RASGRF2: variants seen among roughly 807,000 people sequenced by gnomAD.
RASGRF2 encodes the protein ras-specific guanine nucleotide-releasing factor 2.
A neutral mutation model predicts 151.0 loss-of-function variants in RASGRF2; 76 were observed. The ratio of observed to expected loss-of-function variants is 0.50; its 90% CI spans 0.42 to 0.61. The LOEUF (loss-of-function observed/expected upper bound fraction) is 0.61, where lower values mean the gene tolerates loss of function less well. Ranked by LOEUF, RASGRF2 falls within the 20% of genes least tolerant of loss-of-function variation. The pLI is 0.00. For missense variants in RASGRF2, 1,148 were observed against 1,564.6 expected, an observed-to-expected ratio of 0.73 and a Z score of 4.49; for synonymous variants, 504 against 566.5, an observed-to-expected ratio of 0.89 and a Z score of 1.57.
intron 18 of RASGRF2, among the ~76,000 whole-genome samples, chr5:81,194,255 C>T (rs564822787): frequency 4.6e-5 from 7 of 151,588 alleles, no homozygotes; most frequent in African/African-American, 1.5e-4. Context: ...ACTTGGGAGG[C>T]CGAGGTGGCG....
intron 1 of RASGRF2, among the ~76,000 whole-genome samples, chr5:80,976,147 C>G (rs1247993036): frequency 6.6e-6 from 1 of 152,080 alleles, no homozygotes; most frequent in African/African-American, 2.4e-5. Context: ...CCGGCTAAAG[C>G]AATCATCTTT....
chr5:81,143,813 C>T (rs1405190459), intron 17 of RASGRF2, among the ~76,000 whole-genome samples: 1 of 151,458 alleles, frequency 6.6e-6, no homozygotes, highest in Non-Finnish European at 1.5e-5. Flanking sequence ...TTGCTTGAAC[C>T]TGGGAGGCAG....
chr5:80,992,089 C>T (rs1157096155), intron 1 of RASGRF2, among the ~76,000 whole-genome samples: 1 of 144,522 alleles, frequency 6.9e-6, no homozygotes, highest in Non-Finnish European at 1.5e-5. Flanking sequence ...CCACCTCCTC[C>T]CCTATCCTGG....
chr5:81,053,544 G>T (rs2112418866), intron 2 of RASGRF2, among the ~76,000 whole-genome samples: 1 of 152,064 alleles, frequency 6.6e-6, no homozygotes, highest in East Asian at 1.9e-4. Context: ...ATTTGGGTTG[G>T]TTCCGAGTCT....
rs138977508 is a variant in RASGRF2, at chr5:81,102,069, G to A, written c.1756-6927G>A. On this transcript the variant is annotated intron_variant, in intron 12 of 26. Coordinates refer to ENST00000265080, the MANE Select transcript of RASGRF2 (RefSeq NM_006909.3). The stretch of plus-strand genomic sequence containing the variant: ...CATTAAAATTAAAAAATTTTAATGC[G>A]TAGGTATATTTATAGATAGGAAGGG... 2.4e-4 allele frequency among the ~76,000 whole-genome samples: 37 copies of A among 152,234 alleles called. No individual in the cohort carries two copies. In the East Asian group the frequency reaches 4.4e-3, roughly 18 times the overall value.
chr5:81,183,176 C>G (rs1189143468), intron 18 of RASGRF2: 13 of 983,566 alleles, frequency 1.3e-5, no homozygotes, highest in Non-Finnish European at 1.6e-5. Flanking sequence ...TGGTGAACTA[C>G]CCAGGGAGGC....
intron 1 of RASGRF2, among the ~76,000 whole-genome samples, chr5:80,974,694 A>C (rs1748052865): frequency 6.6e-6 from 1 of 152,148 alleles, no homozygotes; most frequent in African/African-American, 2.4e-5. Context: ...TCTTGATCTG[A>C]CTTCATCTAT....
chr5:81,042,795 C>A (rs952538922), intron 1 of RASGRF2, 82 bp from the exon 2 acceptor site: 1 of 934,224 alleles, frequency 1.1e-6, no homozygotes, highest in Non-Finnish European at 1.6e-6. Context: ...AAATATGTAC[C>A]CTTTGTAGGC....
At chr5:81,139,687 C>T (rs552626871) in intron 17 of RASGRF2, among the ~76,000 whole-genome samples, 59 of 152,130 alleles carry the variant, frequency 3.9e-4, no homozygotes, top group Non-Finnish European at 8.8e-5. Context: ...GGGAACTATA[C>T]ACTGGTGATG....
chr5:81,116,063 T>TTTA (rs1753143763), intron 15 of RASGRF2, among the ~76,000 whole-genome samples: 1 of 104,220 alleles, frequency 9.6e-6, no homozygotes, highest in Non-Finnish European at 1.9e-5. Flanking sequence ...GTGAATGCCA[T>TTTA]TTCTTTTTTT....
At chr5:80,994,850 T>C (rs1048159572) in intron 1 of RASGRF2, among the ~76,000 whole-genome samples, 25 of 152,218 alleles carry the variant, frequency 1.6e-4, no homozygotes, top group Admixed American at 2.0e-4. Context: ...GTATAGATTA[T>C]AGACAAGAAA....
chr5:81,120,779 T>C (rs1240916952), intron 15 of RASGRF2, among the ~76,000 whole-genome samples: 1 of 152,184 alleles, frequency 6.6e-6, no homozygotes, highest in African/African-American at 2.4e-5. Flanking sequence ...AGGAATATAA[T>C]CAATTATTGT....
intron 2 of RASGRF2, among the ~76,000 whole-genome samples, chr5:81,055,128 C>T (rs1257421211): frequency 1.3e-5 from 2 of 152,126 alleles, no homozygotes; most frequent in East Asian, 1.9e-4. Flanking sequence ...TTCTTTCTCC[C>T]ACCTGATTGC....
chr5:81,198,557 A>G (rs1478803980), intron 18 of RASGRF2, among the ~76,000 whole-genome samples: 1 of 151,954 alleles, frequency 6.6e-6, no homozygotes, highest in Non-Finnish European at 1.5e-5. Context: ...CTCCTGCCTC[A>G]GCCTCCAGAG....
chr5:81,034,427 G>T (rs1750389615), intron 1 of RASGRF2, among the ~76,000 whole-genome samples: 1 of 152,016 alleles, frequency 6.6e-6, no homozygotes, highest in Non-Finnish European at 1.5e-5. Context: ...AATACCATTT[G>T]ACCCAGCCAT....
chr5:81,068,790 C>A (rs1375754543), intron 3 of RASGRF2, among the ~76,000 whole-genome samples: 1 of 152,074 alleles, frequency 6.6e-6, no homozygotes, highest in African/African-American at 2.4e-5. Context: ...GAGCAGAAGG[C>A]GGTTTTAGAG....
At chr5:81,147,279 T>A (rs1045835082) in intron 17 of RASGRF2, among the ~76,000 whole-genome samples, 4 of 152,226 alleles carry the variant, frequency 2.6e-5, no homozygotes, top group Admixed American at 1.3e-4. Context: ...GCAGATTTTT[T>A]TTTTAACTTC....
At chr5:81,215,734 A>G in intron 23 of RASGRF2, 142 bp from the exon 24 acceptor site, 1 of 1,064,860 alleles carries the variant, frequency 9.4e-7, no homozygotes, top group Non-Finnish European at 1.2e-6. Context: ...TACATCTTAG[A>G]ATCCTATCAC....
intron 23 of RASGRF2, among the ~76,000 whole-genome samples, chr5:81,213,868 C>CA (rs1001999986): frequency 2.6e-5 from 4 of 151,996 alleles, no homozygotes; most frequent in Admixed American, 6.5e-5. Flanking sequence ...AACAAAAAAA[C>CA]AAAAAAACAA....
Sources: gnomAD v4.1 joint callset for allele counts (sites outside exome capture counted in the v4.1 genomes callset) on GRCh38, gnomAD v4.1.1 for gene constraint, MANE v1.5 for transcripts, NCBI Gene and HGNC (gene_info 2026-07-23, HGNC 2026-07-21) for gene names.